Variants in TBL1X observed in about 807,000 individuals in gnomAD.
TBL1X encodes F-box-like/WD repeat-containing protein TBL1X.
A neutral mutation model predicts 50.7 loss-of-function variants in TBL1X; 10 were observed. The observed-to-expected ratio is 0.20, with a 90% CI of 0.12 to 0.33. The LOEUF is 0.33. Ranked by LOEUF, TBL1X falls within the 10% of genes least tolerant of loss-of-function variation. The pLI is 1.00. For synonymous variants in TBL1X, 190 were observed against 214.7 expected, an observed-to-expected ratio of 0.88 and a Z score of 1.01; for missense variants, 340 against 504.4, an observed-to-expected ratio of 0.67 and a Z score of 3.12.
intron 3 of TBL1X, among the ~76,000 whole-genome samples, chrX:9,651,195 T>A (rs1201740568): frequency 1.8e-5 from 2 of 109,796 alleles, no homozygotes. Context: ...ACTCAGCTAG[T>A]TTTTTCGTTT....
Position 9,601,324 on chromosome X carries a change from C to T in TBL1X, c.-130-38949C>T, listed in dbSNP as rs1442084231. Among the ~76,000 whole-genome samples, 4 of 110,821 alleles carry T rather than the reference C, an allele frequency of 3.6e-5. No individual in the cohort carries two copies. The Admixed American group carries it at 3.8e-4, about 11-fold the overall frequency. ...GGTTTTGGGGTGAGAGTTGGTATCTCGTGGCAAGGACACACTCCCTGGGCT... is the reference window on the plus strand; with the variant it reads ...GGTTTTGGGGTGAGAGTTGGTATCTTGTGGCAAGGACACACTCCCTGGGCT... On this transcript the variant is annotated intron_variant, in intron 2 of 17. Coordinates refer to ENST00000645353, the MANE Select transcript of TBL1X (RefSeq NM_005647.4).
At chrX:9,691,488 T>TA (rs1011746619) in intron 7 of TBL1X, 91 bp from the exon 8 acceptor site, 37 of 832,481 alleles carry the variant, frequency 4.4e-5, no homozygotes, top group South Asian at 9.5e-5. Flanking sequence ...ATTTAGTACA[T>TA]AAAAAAAATG....
At chrX:9,488,599 A>C (rs1267209929) in intron 1 of TBL1X, among the ~76,000 whole-genome samples, 1 of 112,044 alleles carries the variant, frequency 8.9e-6, no homozygotes, top group Non-Finnish European at 1.9e-5. Context: ...TTTACCATAT[A>C]AGGAAACATA....
chrX:9,611,528 A>G (rs1428969526), intron 2 of TBL1X, among the ~76,000 whole-genome samples: 2 of 112,455 alleles, frequency 1.8e-5, no homozygotes, highest in Non-Finnish European at 3.8e-5. Flanking sequence ...GGGATTCCCC[A>G]GTGCTGATTC....
chrX:9,714,184 C>A (rs192185718), intron 16 of TBL1X, among the ~76,000 whole-genome samples: 6 of 111,762 alleles, frequency 5.4e-5, no homozygotes, highest in African/African-American at 2.0e-4. Context: ...TGTTTTAAAC[C>A]GGAAACCAAT....
Position 9,654,225 on chromosome X carries a change from C to T in TBL1X, c.114C>T (p.Ser38=). 1.7e-6 allele frequency: 2 copies of T among 1,210,062 alleles called. No homozygotes were observed. Among genetic ancestry groups the T allele is most frequent in the Non-Finnish European group, 2.2e-6 (2 of 895,033 alleles). ...TCTCTTTTTGAACAGAGGGTGGTTC[C>T]CACTTCATCAACACCTCATCGCCGC... ...FQRLRGREGG[S]HFINTSSPRG... Residue 38 remains serine, a synonymous_variant, in exon 5 of 18, where the codon TCC becomes TCT. Coordinates refer to ENST00000645353, the MANE Select transcript of TBL1X (RefSeq NM_005647.4).
At position 9,551,302 on chromosome X, in the gene TBL1X, G is replaced by A. The variant is rs964211763; in HGVS notation, c.-131+49453G>A. The stretch of plus-strand genomic sequence containing the variant: ...CCCTTTTGGGGTAGAGTGGAGGAAT[G>A]GTGCCGCCTGGTCAAGGCCTCGCAT... On this transcript the variant is annotated intron_variant, in intron 2 of 17. Coordinates refer to ENST00000645353, the MANE Select transcript of TBL1X (RefSeq NM_005647.4). Among the ~76,000 whole-genome samples the A allele has an allele frequency of 7.3e-5, 8 of 109,193 alleles. 1 individual carries two copies. Among genetic ancestry groups the A allele is most frequent in the African/African-American group, 2.7e-4 (8 of 29,850 alleles). The allele number at this position is 109,193 out of a possible 115,157, so 94.8% of individuals were successfully genotyped here. A position where few individuals can be genotyped will look rare whatever the true frequency, so the allele number is the denominator to read the frequency against.
chrX:9,677,773 C>T (rs930293850), intron 5 of TBL1X, among the ~76,000 whole-genome samples: 1 of 111,860 alleles, frequency 8.9e-6, no homozygotes, highest in African/African-American at 3.3e-5. Context: ...GTCACTCAGT[C>T]ACCTCCATAA....
At chrX:9,629,765 A>T (rs927122162) in intron 2 of TBL1X, among the ~76,000 whole-genome samples, 12 of 111,644 alleles carry the variant, frequency 1.1e-4, no homozygotes, top group African/African-American at 3.6e-4. Flanking sequence ...ATTGGACCAG[A>T]CAGGCTGTTG....
At chrX:9,575,904 GAA>G (rs1438982109) in intron 2 of TBL1X, among the ~76,000 whole-genome samples, 5 of 111,639 alleles carry the variant, frequency 4.5e-5, no homozygotes, top group African/African-American at 1.6e-4. Context: ...ACCAATCTGA[GAA>G]AAGTCTGTTG....
intron 5 of TBL1X, among the ~76,000 whole-genome samples, chrX:9,654,567 T>C (rs2082855109): frequency 9.0e-6 from 1 of 111,395 alleles, no homozygotes; most frequent in Non-Finnish European, 1.9e-5. Flanking sequence ...AGAGCGGTTG[T>C]GGTGAATGTG....
At chrX:9,708,703 CA>C (rs35805085) in intron 13 of TBL1X, among the ~76,000 whole-genome samples, 858 of 72,162 alleles carry the variant, frequency 0.012, 12 homozygotes, top group African/African-American at 0.041. Flanking sequence ...GCAAAAATCC[CA>C]AAAAAAAAAA....
At chrX:9,546,537 A>C (rs766953498) in intron 2 of TBL1X, among the ~76,000 whole-genome samples, 7 of 109,542 alleles carry the variant, frequency 6.4e-5, no homozygotes, top group African/African-American at 2.0e-4. Context: ...AAACAAAAAA[A>C]CCCCCAAAAA....
intron 2 of TBL1X, among the ~76,000 whole-genome samples, chrX:9,510,778 C>T (rs1019495348): frequency 2.7e-5 from 3 of 111,993 alleles, no homozygotes; most frequent in African/African-American, 9.7e-5. Flanking sequence ...GACTGAGGTC[C>T]GCCAAAGAGG....
At chrX:9,563,033 A>G (rs1214399966) in intron 2 of TBL1X, among the ~76,000 whole-genome samples, 1 of 112,516 alleles carries the variant, frequency 8.9e-6, no homozygotes, top group African/African-American at 3.2e-5. Context: ...AATGAGTGAA[A>G]CATGCAAGGA....
chrX:9,485,708 A>C (rs1305202530), intron 1 of TBL1X, among the ~76,000 whole-genome samples: 3 of 111,158 alleles, frequency 2.7e-5, no homozygotes, highest in African/African-American at 9.8e-5. Flanking sequence ...TGGGCAAAGC[A>C]TAGCTAGTCA....
At chrX:9,587,218 G>A (rs1422900239) in intron 2 of TBL1X, among the ~76,000 whole-genome samples, 3 of 112,088 alleles carry the variant, frequency 2.7e-5, no homozygotes, top group Admixed American at 9.4e-5. Flanking sequence ...ACCCATCTGT[G>A]TCGGGAGTGA....
At chrX:9,595,969 C>T (rs2082524667) in intron 2 of TBL1X, among the ~76,000 whole-genome samples, 1 of 112,554 alleles carries the variant, frequency 8.9e-6, no homozygotes, top group South Asian at 3.7e-4. Flanking sequence ...AAGGCATTCT[C>T]TTCAACATAA....
At chrX:9,581,788 G>A (rs886522851) in intron 2 of TBL1X, among the ~76,000 whole-genome samples, 8 of 112,135 alleles carry the variant, frequency 7.1e-5, no homozygotes, top group African/African-American at 2.6e-4. Context: ...ATTCTGAAAC[G>A]CCGTTGGAAA....
Sources: allele counts gnomAD v4.1 joint callset (sites outside exome capture counted in the v4.1 genomes callset), GRCh38; gene constraint gnomAD v4.1.1; transcripts MANE v1.5; gene names NCBI Gene and HGNC (gene_info 2026-07-23, HGNC 2026-07-21).